The following KATNAL1 variants were observed in gnomAD, a reference collection of about 807,000 sequenced individuals.
KATNAL1 encodes the protein katanin catalytic subunit A1 like 1.
In KATNAL1, 32 loss-of-function variants were observed where a neutral mutation model predicts 55.2. The observed-to-expected ratio is 0.58, with a 90% CI of 0.44 to 0.78. KATNAL1 has a LOEUF of 0.78. Ranked by LOEUF, KATNAL1 falls within the 30% of genes least tolerant of loss-of-function variation. The probability of loss-of-function intolerance (pLI) is 0.00; values close to 1 mark genes in which losing one functional copy is unlikely to be tolerated. For synonymous variants in KATNAL1, 193 were observed against 193.6 expected, an observed-to-expected ratio of 1.00 and a Z score of 0.02; for missense variants, 466 against 600.9, an observed-to-expected ratio of 0.78 and a Z score of 2.35.
rs1260665738 is a variant in KATNAL1, at chr13:30,279,912, C to T, written c.323+151G>A. ...ATTTACTTCTGTACTTTATCAAATACAAAACTGTAAATGTATAAATGTGAA... is the reference window on the plus strand; with the variant it reads ...ATTTACTTCTGTACTTTATCAAATATAAAACTGTAAATGTATAAATGTGAA... On this transcript the variant is annotated intron_variant, in intron 3 of 10. Transcript: ENST00000380615. 13 of 663,528 alleles carry T rather than the reference C, an allele frequency of 2.0e-5. 1 individual carries two copies. The highest frequency in any genetic ancestry group is 5.1e-5 in the South Asian group (2 of 39,040). 41.1% of individuals were successfully genotyped at this position (663,528 alleles called of 1,614,324 possible). A position where few individuals can be genotyped will look rare whatever the true frequency, so the allele number is the denominator to read the frequency against.
At chr13:30,286,246 T>C (rs1338750946) in intron 1 of KATNAL1, among the ~76,000 whole-genome samples, 2 of 152,028 alleles carry the variant, frequency 1.3e-5, no homozygotes, top group Non-Finnish European at 2.9e-5. Flanking sequence ...CTCCAGGGCA[T>C]GTCAGAGATG....
chr13:30,241,126 G>T (rs377738372), intron 4 of KATNAL1, 40 bp from the exon 5 acceptor site: 1 of 1,551,056 alleles, frequency 6.4e-7, no homozygotes, highest in Non-Finnish European at 8.8e-7. Flanking sequence ...GTCAGTAATG[G>T]ATAATTTAGT....
chr13:30,255,161 A>G (rs1425010737), intron 4 of KATNAL1, among the ~76,000 whole-genome samples: 4 of 152,224 alleles, frequency 2.6e-5, no homozygotes, highest in Non-Finnish European at 5.9e-5. Context: ...ATACTTATTA[A>G]AATATTTTTC....
intron 4 of KATNAL1, among the ~76,000 whole-genome samples, chr13:30,251,215 GCTAC>G (rs1878274033): frequency 6.7e-6 from 1 of 149,282 alleles, no homozygotes; most frequent in Non-Finnish European, 1.5e-5. Context: ...CATTTCTTCT[GCTAC>G]CTAATATTTT....
chr13:30,237,913 T>C (rs1320564905), intron 6 of KATNAL1, among the ~76,000 whole-genome samples: 1 of 152,142 alleles, frequency 6.6e-6, no homozygotes, highest in African/African-American at 2.4e-5. Context: ...ATATATTACA[T>C]CCAAAAGGTT....
chr13:30,239,694 T>G (rs1047708027), intron 6 of KATNAL1, among the ~76,000 whole-genome samples: 1 of 150,340 alleles, frequency 6.7e-6, no homozygotes, highest in Non-Finnish European at 1.5e-5. Flanking sequence ...GATTTTTTTT[T>G]TTTTTTTTTT....
chr13:30,210,647 A>AT, intron 9 of KATNAL1: 1 of 192,284 alleles, frequency 5.2e-6, no homozygotes, highest in Non-Finnish European at 8.9e-6. Flanking sequence ...GTAACTAAAA[A>AT]TTGAAAAAAA....
rs866087956 is a variant in KATNAL1, at chr13:30,263,453, T to C, written c.324-7838A>G. On this transcript the variant is annotated intron_variant, in intron 3 of 10. Coordinates refer to ENST00000380615, the MANE Select transcript of KATNAL1 (RefSeq NM_032116.5). ...TTGTCCCTGTTTGCAGACGACATGA[T>C]TGTATATCTAGAAAACCCCATCGTC... 7.1e-3 allele frequency among the ~76,000 whole-genome samples: 1,068 copies of C among 150,606 alleles called. 10 individuals carry two copies. Among genetic ancestry groups the C allele is most frequent in the African/African-American group, 0.024 (969 of 40,526 alleles).
intron 8 of KATNAL1, among the ~76,000 whole-genome samples, chr13:30,229,104 G>C (rs558847661): frequency 2.0e-5 from 3 of 152,084 alleles, no homozygotes; most frequent in Non-Finnish European, 4.4e-5. Flanking sequence ...TGTTTTGCTT[G>C]AACGGCCTCT....
chr13:30,252,533 G>C (rs1878415956), intron 4 of KATNAL1, among the ~76,000 whole-genome samples: 4 of 152,114 alleles, frequency 2.6e-5, no homozygotes, highest in African/African-American at 9.7e-5. Flanking sequence ...TGGATCATGA[G>C]CTGGTGTACA....
intron 9 of KATNAL1, among the ~76,000 whole-genome samples, chr13:30,217,953 A>G (rs1026870533): frequency 6.6e-6 from 1 of 152,174 alleles, no homozygotes; most frequent in Non-Finnish European, 1.5e-5. Flanking sequence ...TGGGGACACG[A>G]GACAGGCCAG....
chr13:30,292,570 G>C (rs1291415975), intron 1 of KATNAL1, among the ~76,000 whole-genome samples: 1 of 152,118 alleles, frequency 6.6e-6, no homozygotes, highest in Non-Finnish European at 1.5e-5. Flanking sequence ...AAGCAAACCT[G>C]ACCTTTGCTC....
chr13:30,286,669 G>A (rs1881809239), intron 1 of KATNAL1, among the ~76,000 whole-genome samples: 1 of 152,218 alleles, frequency 6.6e-6, no homozygotes, highest in South Asian at 2.1e-4. Flanking sequence ...CTGCCTAGTG[G>A]AGCTGTAAGA....
chr13:30,244,057 TCTC>T (rs1877541248), intron 4 of KATNAL1, among the ~76,000 whole-genome samples: 1 of 152,142 alleles, frequency 6.6e-6, no homozygotes. Flanking sequence ...ATTAGGTATT[TCTC>T]CTCATGTTAT....
chr13:30,229,372 C>G (rs1026635756), intron 8 of KATNAL1, among the ~76,000 whole-genome samples: 1 of 152,084 alleles, frequency 6.6e-6, no homozygotes, highest in South Asian at 2.1e-4. Context: ...GCCTGCTTCC[C>G]ATCCAGATCA....
At chr13:30,298,323 G>C (rs1882655387) in intron 1 of KATNAL1, among the ~76,000 whole-genome samples, 1 of 152,078 alleles carries the variant, frequency 6.6e-6, no homozygotes, top group African/African-American at 2.4e-5. Context: ...ATTCAACTAT[G>C]CCCTTATATG....
At chr13:30,245,637 C>A (rs1309139095) in intron 4 of KATNAL1, among the ~76,000 whole-genome samples, 2 of 152,090 alleles carry the variant, frequency 1.3e-5, no homozygotes, top group Admixed American at 1.3e-4. Flanking sequence ...GATGACATGA[C>A]TATATATTTA....
intron 1 of KATNAL1, among the ~76,000 whole-genome samples, chr13:30,304,472 C>T (rs561337095): frequency 6.6e-6 from 1 of 152,050 alleles, no homozygotes; most frequent in African/African-American, 2.4e-5. Context: ...GTTTCACCAT[C>T]TTGGCCAGGA....
At chr13:30,303,751 G>A (rs565374732) in intron 1 of KATNAL1, among the ~76,000 whole-genome samples, 3 of 152,128 alleles carry the variant, frequency 2.0e-5, no homozygotes, top group African/African-American at 7.2e-5. Context: ...CTTTGAAGAT[G>A]AAAACAAGGC....
Sources: gnomAD v4.1 joint callset for allele counts (sites outside exome capture counted in the v4.1 genomes callset) on GRCh38, gnomAD v4.1.1 for gene constraint, MANE v1.5 for transcripts, NCBI Gene and HGNC (gene_info 2026-07-23, HGNC 2026-07-21) for gene names.